Variants in KSR2 observed in about 807,000 individuals in gnomAD.
KSR2 encodes kinase suppressor of ras 2.
In KSR2, 25 loss-of-function variants were observed where a neutral mutation model predicts 107.8. The ratio of observed to expected loss-of-function variants is 0.23; its 90% CI spans 0.17 to 0.32. The LOEUF is 0.32. Ranked by LOEUF, KSR2 falls within the 10% of genes least tolerant of loss-of-function variation. KSR2 has a pLI of 1.00. For missense variants in KSR2, 887 were observed against 1,268.9 expected, an observed-to-expected ratio of 0.70 and a Z score of 4.57; for synonymous variants, 480 against 507.0, an observed-to-expected ratio of 0.95 and a Z score of 0.71.
intron 2 of KSR2, among the ~76,000 whole-genome samples, chr12:117,859,430 GCC>G (rs769429156): frequency 6.6e-6 from 1 of 150,548 alleles, no homozygotes; most frequent in Non-Finnish European, 1.5e-5. Context: ...ACCGCGCCTG[GCC>G]TGTTTTTTTC....
chr12:117,840,863 A>T (rs1032734428), intron 3 of KSR2, among the ~76,000 whole-genome samples: 1 of 152,050 alleles, frequency 6.6e-6, no homozygotes. Context: ...TTAGCTGGGC[A>T]TAGTGGTGGG....
intron 1 of KSR2, among the ~76,000 whole-genome samples, chr12:117,872,928 C>T (rs576324220): frequency 2.6e-5 from 4 of 152,248 alleles, no homozygotes; most frequent in Admixed American, 6.5e-5. Context: ...TGAAGGGGCT[C>T]CCAGTGGGCA....
At chr12:117,570,479 C>T (rs1878813829) in intron 7 of KSR2, among the ~76,000 whole-genome samples, 1 of 152,178 alleles carries the variant, frequency 6.6e-6, no homozygotes, top group African/African-American at 2.4e-5. Context: ...TATAACATGT[C>T]TTCCAAGAAG....
intron 5 of KSR2, among the ~76,000 whole-genome samples, chr12:117,627,025 CTT>C (rs201042072): frequency 3.5e-5 from 5 of 144,596 alleles, no homozygotes; most frequent in Admixed American, 6.9e-5. Context: ...GCAACCCCTG[CTT>C]TTTTTTTTTG....
chr12:117,478,181 T>G (rs1377233674), intron 16 of KSR2, among the ~76,000 whole-genome samples: 3 of 152,168 alleles, frequency 2.0e-5, no homozygotes, highest in Non-Finnish European at 4.4e-5. Flanking sequence ...CTAGCTAGAT[T>G]CTTCCAGAGA....
At chr12:117,740,324 TAC>T (rs1479677091) in intron 4 of KSR2, among the ~76,000 whole-genome samples, 1 of 131,174 alleles carries the variant, frequency 7.6e-6, no homozygotes, top group Admixed American at 9.0e-5. Flanking sequence ...TACACATATA[TAC>T]ATTATATATA....
chr12:117,807,806 A>G (rs1476360895), intron 3 of KSR2, among the ~76,000 whole-genome samples: 1 of 152,260 alleles, frequency 6.6e-6, no homozygotes, highest in East Asian at 1.9e-4. Flanking sequence ...AAGTGGAGAT[A>G]GGTAATTAAC....
At chr12:117,488,703 T>TA (rs1175240141) in intron 14 of KSR2, among the ~76,000 whole-genome samples, 1 of 149,824 alleles carries the variant, frequency 6.7e-6, no homozygotes, top group Non-Finnish European at 1.5e-5. Context: ...CTTTTTTCTT[T>TA]TTTTTTTTTT....
intron 10 of KSR2, chr12:117,539,469 C>G (rs1288714520): frequency 4.4e-6 from 2 of 450,774 alleles, no homozygotes; most frequent in Admixed American, 4.3e-5. Context: ...GCCTCTGTTT[C>G]TTCATCTGTA....
intron 14 of KSR2, among the ~76,000 whole-genome samples, chr12:117,495,798 T>C (rs1301585809): frequency 6.6e-6 from 1 of 152,190 alleles, no homozygotes; most frequent in Non-Finnish European, 1.5e-5. Context: ...CTCACACCTG[T>C]AATCCCAGAA....
chr12:117,944,095 G>T (rs1038458762), intron 1 of KSR2, among the ~76,000 whole-genome samples: 1 of 152,176 alleles, frequency 6.6e-6, no homozygotes, highest in Non-Finnish European at 1.5e-5. Context: ...ACCCAGTCTT[G>T]GCCCGGAGCG....
intron 3 of KSR2, among the ~76,000 whole-genome samples, chr12:117,815,833 G>C (rs535676052): frequency 1.3e-5 from 2 of 152,066 alleles, no homozygotes; most frequent in Non-Finnish European, 2.9e-5. Flanking sequence ...AAATTAGCCA[G>C]GCATGGTGGC....
At chr12:117,904,234 G>T (rs894695718) in intron 1 of KSR2, among the ~76,000 whole-genome samples, 2 of 152,170 alleles carry the variant, frequency 1.3e-5, no homozygotes, top group African/African-American at 4.8e-5. Context: ...ACCCTCAGGG[G>T]TTCATATCCG....
At chr12:117,858,736 T>C (rs1169055020) in intron 2 of KSR2, among the ~76,000 whole-genome samples, 1 of 152,222 alleles carries the variant, frequency 6.6e-6, no homozygotes, top group Non-Finnish European at 1.5e-5. Context: ...CCATCTGAGC[T>C]GGACATCCTG....
At chr12:117,510,921 G>A (rs1009277376) in intron 14 of KSR2, among the ~76,000 whole-genome samples, 2 of 150,358 alleles carry the variant, frequency 1.3e-5, no homozygotes, top group African/African-American at 2.5e-5. Flanking sequence ...AGCAGCAGAT[G>A]TCAACACTAA....
intron 5 of KSR2, among the ~76,000 whole-genome samples, chr12:117,601,983 A>G (rs1393833766): frequency 1.3e-5 from 2 of 152,182 alleles, no homozygotes; most frequent in Non-Finnish European, 2.9e-5. Context: ...CGTCCCAACT[A>G]TTCAACTCTG....
chr12:117,581,872 TTAAG>T (rs1879684881), intron 6 of KSR2, among the ~76,000 whole-genome samples: 1 of 152,232 alleles, frequency 6.6e-6, no homozygotes, highest in South Asian at 2.1e-4. Context: ...ATACTGTTTA[TTAAG>T]TGTTTGTTAT....
At chr12:117,848,458 G>C (rs1892777519) in intron 3 of KSR2, among the ~76,000 whole-genome samples, 1 of 152,322 alleles carries the variant, frequency 6.6e-6, no homozygotes. Context: ...AGGAAAACTA[G>C]GGCTGTGCCC....
chr12:117,888,623 A>T (rs538857105), intron 1 of KSR2, among the ~76,000 whole-genome samples: 45 of 152,320 alleles, frequency 3.0e-4, no homozygotes, highest in Admixed American at 2.7e-3. Flanking sequence ...CCATGTGAGG[A>T]CACAGAAAGA....
Sources: allele counts gnomAD v4.1 joint callset (sites outside exome capture counted in the v4.1 genomes callset), GRCh38; gene constraint gnomAD v4.1.1; transcripts MANE v1.5; gene names NCBI Gene and HGNC (gene_info 2026-07-23, HGNC 2026-07-21).